The following CLIC5 variants were observed in gnomAD, a reference collection of about 807,000 sequenced individuals.
CLIC5 encodes the protein chloride intracellular channel protein 5.
In CLIC5, 20 loss-of-function variants were observed where a neutral mutation model predicts 24.7. The ratio of observed to expected loss-of-function variants is 0.81; its 90% CI spans 0.57 to 1.18. The LOEUF (loss-of-function observed/expected upper bound fraction) is 1.18, where lower values mean the gene tolerates loss of function less well. Among genes scored for constraint, CLIC5 ranks in the 50% most tolerant of loss-of-function variants. The probability of loss-of-function intolerance (pLI) is 0.00; values close to 1 mark genes in which losing one functional copy is unlikely to be tolerated. For synonymous variants in CLIC5, 159 were observed against 135.6 expected, an observed-to-expected ratio of 1.17 and a Z score of -1.20; for missense variants, 341 against 326.1, an observed-to-expected ratio of 1.05 and a Z score of -0.35.
chr6:46,005,863 C>T (rs1206665646), intron 1 of CLIC5, among the ~76,000 whole-genome samples: 2 of 151,514 alleles, frequency 1.3e-5, no homozygotes, highest in African/African-American at 4.9e-5. Context: ...TATTGGTGCA[C>T]TGATAGACTC....
At chr6:45,968,725 C>T (rs1005399690) in intron 1 of CLIC5, among the ~76,000 whole-genome samples, 10 of 152,208 alleles carry the variant, frequency 6.6e-5, no homozygotes, top group African/African-American at 1.4e-4. Context: ...TTAGCTTTGC[C>T]GTTAATATGA....
intron 1 of CLIC5, among the ~76,000 whole-genome samples, chr6:46,078,848 T>G (rs1762844436): frequency 6.6e-6 from 1 of 152,192 alleles, no homozygotes; most frequent in Non-Finnish European, 1.5e-5. Flanking sequence ...GAAATGTTAC[T>G]GGGAACTGGG....
intron 1 of CLIC5, among the ~76,000 whole-genome samples, chr6:45,957,884 G>C (rs1764698177): frequency 6.6e-6 from 1 of 152,188 alleles, no homozygotes; most frequent in East Asian, 1.9e-4. Context: ...GAACCAGGTG[G>C]GGCTCAGTTG....
chr6:45,997,147 A>G (rs1766174317), intron 1 of CLIC5, among the ~76,000 whole-genome samples: 1 of 150,510 alleles, frequency 6.6e-6, no homozygotes, highest in African/African-American at 2.4e-5. Context: ...AATGTGGCAC[A>G]TATACACCAT....
intron 1 of CLIC5, among the ~76,000 whole-genome samples, chr6:45,974,497 G>GTATATATATA (rs1554154071): frequency 2.1e-4 from 16 of 76,186 alleles, no homozygotes; most frequent in Admixed American, 1.0e-3. Context: ...GTGTGTGTGT[G>GTATATATATA]TATATATATA....
intron 1 of CLIC5, among the ~76,000 whole-genome samples, chr6:45,974,978 C>A (rs181188040): frequency 1.2e-4 from 18 of 152,196 alleles, no homozygotes; most frequent in Non-Finnish European, 2.6e-4. Flanking sequence ...GTTTTCAGAG[C>A]TTTTTGAATT....
intron 1 of CLIC5, among the ~76,000 whole-genome samples, chr6:46,054,705 A>G (rs542378870): frequency 5.3e-5 from 8 of 152,358 alleles, no homozygotes; most frequent in Middle Eastern, 6.8e-3. Context: ...TAGGTTTACT[A>G]TCCTTTTAAG....
intron 1 of CLIC5, among the ~76,000 whole-genome samples, chr6:46,046,629 A>G (rs2127463035): frequency 6.6e-6 from 1 of 152,344 alleles, no homozygotes; most frequent in Middle Eastern, 3.4e-3. Context: ...GATGATTTTG[A>G]TAAAGTCCAC....
At chr6:46,125,622 C>T in the CLIC5 span, among the ~76,000 whole-genome samples, 1 of 151,352 alleles carries the variant, frequency 6.6e-6, no homozygotes, top group South Asian at 2.1e-4. Context: ...ATAGTTTAAG[C>T]AAAAAGATAA....
chr6:45,974,522 T>TATATATATATATATAGAG (rs1339415709), intron 1 of CLIC5, among the ~76,000 whole-genome samples: 1 of 66,006 alleles, frequency 1.5e-5, no homozygotes, highest in African/African-American at 6.2e-5. Flanking sequence ...TATATATATA[T>TATATATATATATATAGAG]AGAGAGAGAG....
At chr6:45,917,366 G>A (rs998562016) in intron 4 of CLIC5, among the ~76,000 whole-genome samples, 1 of 152,188 alleles carries the variant, frequency 6.6e-6, no homozygotes, top group African/African-American at 2.4e-5. Context: ...CTTACCAAAC[G>A]TGGGGTCCTC....
intron 1 of CLIC5, among the ~76,000 whole-genome samples, chr6:45,998,183 A>G (rs1460257304): frequency 1.3e-5 from 2 of 152,356 alleles, no homozygotes; most frequent in East Asian, 1.9e-4. Context: ...TGAGCTAATC[A>G]TTATATTTTT....
chr6:46,016,712 TAGCCAC>T (rs955448413), upstream of CLIC5, among the ~76,000 whole-genome samples: 1 of 152,202 alleles, frequency 6.6e-6, no homozygotes, highest in African/African-American at 2.4e-5. Flanking sequence ...AATAAAATGT[TAGCCAC>T]AGCCCTAGAA....
intron 1 of CLIC5, among the ~76,000 whole-genome samples, chr6:46,027,202 G>A (rs1010781847): frequency 6.6e-6 from 1 of 152,164 alleles, no homozygotes; most frequent in Non-Finnish European, 1.5e-5. Context: ...AAGGAATCTG[G>A]GTAGAGAATC....
chr6:45,941,508 A>G, intron 4 of CLIC5, 39 bp downstream of exon 4: 1 of 1,460,794 alleles, frequency 6.8e-7, no homozygotes, highest in Admixed American at 1.7e-5. Context: ...CAGCAGATAG[A>G]CCACTGCCAA....
At chr6:45,986,607 A>G (rs995202818) in intron 1 of CLIC5, among the ~76,000 whole-genome samples, 3 of 152,120 alleles carry the variant, frequency 2.0e-5, no homozygotes, top group Admixed American at 6.5e-5. Flanking sequence ...TTTTTTTTCT[A>G]TAGTGAGGCT....
At chr6:46,088,683 T>C in the CLIC5 span, among the ~76,000 whole-genome samples, 1 of 152,240 alleles carries the variant, frequency 6.6e-6, no homozygotes, top group Non-Finnish European at 1.5e-5. Flanking sequence ...ATAATGTGTA[T>C]ACATTAAATT....
At chr6:46,079,782 T>C in exon 1 of CLIC5, 1 of 1,552,078 alleles carries the variant, frequency 6.4e-7, no homozygotes, top group Non-Finnish European at 8.7e-7. Context: ...ATAGCAGGAA[T>C]ACTTGGTGGT....
At chr6:45,919,876 A>C (rs996979531) in intron 4 of CLIC5, among the ~76,000 whole-genome samples, 2 of 152,192 alleles carry the variant, frequency 1.3e-5, no homozygotes, top group Non-Finnish European at 2.9e-5. Context: ...TCACGTACTC[A>C]GAGTGACAGA....
Sources: gnomAD v4.1 joint callset for allele counts (sites outside exome capture counted in the v4.1 genomes callset) on GRCh38, gnomAD v4.1.1 for gene constraint, MANE v1.5 for transcripts, NCBI Gene and HGNC (gene_info 2026-07-23, HGNC 2026-07-21) for gene names.